Variants in NR6A1 observed in about 807,000 individuals in gnomAD.
NR6A1 encodes nuclear receptor subfamily 6 group A member 1.
A neutral mutation model predicts 59.1 loss-of-function variants in NR6A1; 7 were observed. The ratio of observed to expected loss-of-function variants is 0.12; its 90% CI spans 0.07 to 0.22. NR6A1 has a LOEUF of 0.22. Ranked by LOEUF, NR6A1 falls within the 10% of genes least tolerant of loss-of-function variation. The pLI is 1.00. For synonymous variants in NR6A1, 243 were observed against 236.1 expected (o/e 1.03, Z -0.27); for missense variants, 468 against 611.6 (o/e 0.77, Z 2.48).
intron 2 of NR6A1, among the ~76,000 whole-genome samples, chr9:124,639,810 A>G (rs1836720325): frequency 6.6e-6 from 1 of 152,232 alleles, no homozygotes; most frequent in Non-Finnish European, 1.5e-5. Context: ...ACCTTGACCA[A>G]GTTGTTTCAA....
In NR6A1 at chr9:124,526,896, T is replaced by C; in HGVS notation, c.1084A>G (p.Ser362Gly). 6.2e-7 allele frequency: 1 copy of C among 1,613,826 alleles called. No homozygotes were observed. Among genetic ancestry groups the C allele is most frequent in the Non-Finnish European group, 8.5e-7 (1 of 1,179,800 alleles). Reference sequence around the variant, plus strand: ...TCGATCACCTCCATCCCTTCATCACTAAATCTGAGGAACAGACACAGGTGT... The same window carrying C: ...TCGATCACCTCCATCCCTTCATCACCAAATCTGAGGAACAGACACAGGTGT... ...SPSDEELHRF[S>G]DEGMEVIERL... The change falls in exon 8 of 10, where the codon AGT becomes GGT. Residue 362 changes from serine (S) to glycine (G), a missense_variant. Physicochemically the swap from Ser to Gly is moderately conservative, Grantham distance 56. Transcript: ENST00000487099.
At chr9:124,745,443 G>A (rs1253162012) in intron 1 of NR6A1, among the ~76,000 whole-genome samples, 1 of 151,966 alleles carries the variant, frequency 6.6e-6, no homozygotes. Context: ...AGGCTGAGGC[G>A]GGCAGATCAC....
intron 2 of NR6A1, among the ~76,000 whole-genome samples, chr9:124,689,518 A>C (rs1379956116): frequency 6.6e-6 from 1 of 152,210 alleles, no homozygotes; most frequent in African/African-American, 2.4e-5. Context: ...AAGCAATGGG[A>C]GACAAGAGAA....
chr9:124,700,484 G>A (rs567263864), intron 2 of NR6A1, among the ~76,000 whole-genome samples: 6 of 152,028 alleles, frequency 3.9e-5, no homozygotes, highest in Non-Finnish European at 8.8e-5. Flanking sequence ...GCCTCCCAAA[G>A]TGCTGGGATT....
At chr9:124,536,663 T>TAA (rs79553613) in intron 6 of NR6A1, among the ~76,000 whole-genome samples, 8 of 128,564 alleles carry the variant, frequency 6.2e-5, no homozygotes, top group Admixed American at 1.6e-4. Flanking sequence ...AGACTCTGTC[T>TAA]AAAAAAAAAA....
chr9:124,696,368 T>C (rs1195781341), intron 2 of NR6A1, among the ~76,000 whole-genome samples: 1 of 152,194 alleles, frequency 6.6e-6, no homozygotes, highest in Non-Finnish European at 1.5e-5. Context: ...AGGCATACTT[T>C]GGCTTTTGTT....
At chr9:124,534,338 G>T (rs1011821009) in intron 7 of NR6A1, among the ~76,000 whole-genome samples, 1 of 152,122 alleles carries the variant, frequency 6.6e-6, no homozygotes, top group African/African-American at 2.4e-5. Context: ...CTCTCAAAGT[G>T]CTGGGATTAC....
chr9:124,528,592 T>A (rs1402393864), intron 7 of NR6A1, among the ~76,000 whole-genome samples: 3 of 151,724 alleles, frequency 2.0e-5, no homozygotes, highest in Admixed American at 6.6e-5. Flanking sequence ...ACCCAGCTAC[T>A]CGGGAGGCTG....
chr9:124,711,650 G>T (rs977352176), intron 2 of NR6A1, among the ~76,000 whole-genome samples: 1 of 152,060 alleles, frequency 6.6e-6, no homozygotes, highest in Non-Finnish European at 1.5e-5. Context: ...TGCATTAAGG[G>T]TCTACTCTAT....
chr9:124,640,138 A>G (rs1836729707), intron 2 of NR6A1, among the ~76,000 whole-genome samples: 1 of 152,188 alleles, frequency 6.6e-6, no homozygotes, highest in African/African-American at 2.4e-5. Flanking sequence ...TTTGAAAACA[A>G]TTATCTTAAT....
At chr9:124,630,771 C>T (rs868107328) in intron 2 of NR6A1, among the ~76,000 whole-genome samples, 4 of 148,950 alleles carry the variant, frequency 2.7e-5, no homozygotes, top group African/African-American at 1.0e-4. Context: ...CTCTGCTTCC[C>T]GGGTTCAAGC....
rs113771068 is a variant in NR6A1 at position 124,524,890 on chromosome 9, A to AC, written c.1202-18_1202-17insG. On this transcript the variant is annotated splice_polypyrimidine_tract_variant and intron_variant, in intron 8 of 9. Coordinates refer to ENST00000487099, the MANE Select transcript of NR6A1 (RefSeq NM_033334.4). Reference sequence around the variant, plus strand: ...CCCTGATATCTGTGGAAAAAAAAAAAACACACACACACATACAGGGAATGG... The same window carrying AC: ...CCCTGATATCTGTGGAAAAAAAAAAACACACACACACACATACAGGGAATGG... 0.014 allele frequency: 21,448 copies of AC among 1,581,894 alleles called. 671 individuals carry two copies. In the African/African-American group the frequency reaches 0.15, roughly 11 times the overall value.
At chr9:124,765,708 G>T (rs1840914286) in intron 1 of NR6A1, among the ~76,000 whole-genome samples, 1 of 152,042 alleles carries the variant, frequency 6.6e-6, no homozygotes, top group African/African-American at 2.4e-5. Flanking sequence ...AGAATTACCG[G>T]GTTACACTAG....
In NR6A1 at chr9:124,619,377, C is replaced by G. The variant is rs1588714155; in HGVS notation, c.143-64807G>C. Among the ~76,000 whole-genome samples the G allele has an allele frequency of 2.6e-5, 4 of 152,272 alleles. 1 individual carries two copies. The highest frequency in any genetic ancestry group is 9.6e-5 in the African/African-American group (4 of 41,548). On this transcript the variant is annotated intron_variant, in intron 2 of 9. Coordinates refer to ENST00000487099, the MANE Select transcript of NR6A1 (RefSeq NM_033334.4). ...CTCCTGGGCTAAAGTGATCCTCCTG[C>G]CTTGGCCTACCAAGTAGTTGGGACT...
intron 2 of NR6A1, among the ~76,000 whole-genome samples, chr9:124,714,255 T>C (rs549229796): frequency 1.4e-4 from 21 of 152,304 alleles, no homozygotes; most frequent in African/African-American, 4.8e-4. Context: ...TTATTGTTAA[T>C]GGGTACAGAG....
At chr9:124,711,567 T>G (rs1839281878) in intron 2 of NR6A1, among the ~76,000 whole-genome samples, 1 of 152,174 alleles carries the variant, frequency 6.6e-6, no homozygotes, top group African/African-American at 2.4e-5. Context: ...GCAAGTAGAT[T>G]TCTTCTTTTT....
intron 7 of NR6A1, among the ~76,000 whole-genome samples, chr9:124,530,718 T>A (rs567771747): frequency 6.6e-6 from 1 of 152,156 alleles, no homozygotes; most frequent in Non-Finnish European, 1.5e-5. Flanking sequence ...GCCACAACCT[T>A]AGAGAAACTG....
intron 1 of NR6A1, among the ~76,000 whole-genome samples, chr9:124,740,034 T>C (rs1240213502): frequency 2.0e-5 from 3 of 152,212 alleles, no homozygotes; most frequent in Non-Finnish European, 2.9e-5. Context: ...AAGTTGTATG[T>C]GTCTCTCATG....
intron 2 of NR6A1, among the ~76,000 whole-genome samples, chr9:124,569,021 G>A (rs1426347745): frequency 2.0e-5 from 3 of 150,934 alleles, no homozygotes; most frequent in Admixed American, 6.6e-5. Context: ...GCTGAGGCAG[G>A]AGAATGGCAT....
Sources: gnomAD v4.1 joint callset for allele counts (sites outside exome capture counted in the v4.1 genomes callset) on GRCh38, gnomAD v4.1.1 for gene constraint, MANE v1.5 for transcripts, NCBI Gene and HGNC (gene_info 2026-07-23, HGNC 2026-07-21) for gene names.